CCDC88C: variants seen among roughly 807,000 people sequenced by gnomAD.
The protein encoded by CCDC88C is protein Daple.
Under a neutral mutation model 198.8 loss-of-function variants are expected in CCDC88C, and 131 were observed. That is an observed-to-expected ratio of 0.66 (90% CI 0.57 to 0.76). CCDC88C has a LOEUF of 0.76. Among genes scored for constraint, CCDC88C ranks in the 30% least tolerant of loss-of-function variants. The pLI is 0.00. For missense variants in CCDC88C, 2,553 were observed against 2,631.6 expected (o/e 0.97, Z 0.65); for synonymous variants, 1,166 against 1,114.7 (o/e 1.05, Z -0.92).
At position 91,367,946 on chromosome 14, in the gene CCDC88C, G is replaced by A. The variant is rs115036484; in HGVS notation, c.271-8235C>T. On this transcript the variant is annotated intron_variant, in intron 3 of 29. Transcript: ENST00000389857. ...CTCCTCTAGGCAGCCACCTGATGCC[G>A]GATGATTTTTTTCTCCCCTGAACTC... Among the ~76,000 whole-genome samples, 1,209 of 152,126 alleles carry A rather than the reference G, an allele frequency of 7.9e-3. 16 individuals are homozygous for A. Among genetic ancestry groups the A allele is most frequent in the African/African-American group, 0.028 (1,147 of 41,466 alleles).
At chr14:91,289,902 G>T (rs188852635) in intron 24 of CCDC88C, among the ~76,000 whole-genome samples, 1 of 152,136 alleles carries the variant, frequency 6.6e-6, no homozygotes, top group Non-Finnish European at 1.5e-5. Context: ...TCTCTGAAAC[G>T]AAACAGCATC....
At chr14:91,392,022 TCTCAAAGTTGC>T (rs1270710377) in intron 3 of CCDC88C, among the ~76,000 whole-genome samples, 1 of 152,050 alleles carries the variant, frequency 6.6e-6, no homozygotes, top group African/African-American at 2.4e-5. Flanking sequence ...TACACTTGGA[TCTCAAAGTTGC>T]CTCATGAGTT....
intron 1 of CCDC88C, chr14:91,417,419 C>A: frequency 1.7e-6 from 1 of 571,942 alleles, no homozygotes; most frequent in Non-Finnish European, 3.1e-6. Flanking sequence ...GGCGGGGTCC[C>A]GCGCCGGACG....
In CCDC88C at chr14:91,417,645, G is replaced by A. The variant is rs1218516465; in HGVS notation, c.46C>T (p.Pro16Ser). 19 of 1,591,614 alleles carry A rather than the reference G, an allele frequency of 1.2e-5. No individual in the cohort carries two copies. Among genetic ancestry groups the A allele is most frequent in the Admixed American group, 1.7e-5 (1 of 58,486 alleles). ...GGCGCACTCACCCAGGTCACCAGCG[G>A]GCTCTGCAGGAAGAGCTCCAGGAGC... The part of the protein sequence containing the change: ...SELLELFLQS[P>S]LVTWVKTFGP... The change falls in exon 1 of 30, where the codon CCG (proline) becomes TCG (serine). Residue 16 changes from proline (P) to serine (S), a missense_variant. Physicochemically the swap from Pro to Ser is moderately conservative, Grantham distance 74. Coordinates refer to ENST00000389857, the MANE Select transcript of CCDC88C (RefSeq NM_001080414.4).
At chr14:91,346,847 T>C in intron 4 of CCDC88C, among the ~76,000 whole-genome samples, 1 of 152,074 alleles carries the variant, frequency 6.6e-6, no homozygotes, top group South Asian at 2.1e-4. Context: ...TGCAGTGAGC[T>C]GAAATTGCTC....
Sources: gnomAD v4.1 joint callset for allele counts (sites outside exome capture counted in the v4.1 genomes callset) on GRCh38, gnomAD v4.1.1 for gene constraint, MANE v1.5 for transcripts, NCBI Gene and HGNC (gene_info 2026-07-23, HGNC 2026-07-21) for gene names.